Variants in HIPK2 observed in about 807,000 individuals in gnomAD.
HIPK2 encodes the protein homeodomain-interacting protein kinase 2.
Under a neutral mutation model 113.7 loss-of-function variants are expected in HIPK2, and 27 were observed. That is an observed-to-expected ratio of 0.24 (90% CI 0.17 to 0.33). The LOEUF is 0.33. Among genes scored for constraint, HIPK2 ranks in the 10% least tolerant of loss-of-function variants. The pLI is 1.00. For missense variants in HIPK2, 1,257 were observed against 1,588.0 expected (o/e 0.79, Z 3.54); for synonymous variants, 631 against 642.2 (o/e 0.98, Z 0.26).
intron 1 of HIPK2, among the ~76,000 whole-genome samples, chr7:139,744,201 G>A (rs1031377875): frequency 6.6e-6 from 1 of 152,172 alleles, no homozygotes; most frequent in Admixed American, 6.5e-5. Flanking sequence ...TAAGCAAAAT[G>A]TGGTATATTC....
intron 2 of HIPK2, among the ~76,000 whole-genome samples, chr7:139,646,596 C>T (rs535253200): frequency 2.2e-4 from 34 of 151,484 alleles, no homozygotes; most frequent in Non-Finnish European, 4.4e-4. Context: ...CTTATCCTAA[C>T]AATGGGGCCT....
At chr7:139,588,778 G>C (rs1217538960) in intron 12 of HIPK2, among the ~76,000 whole-genome samples, 1 of 152,054 alleles carries the variant, frequency 6.6e-6, no homozygotes, top group Non-Finnish European at 1.5e-5. Flanking sequence ...GGAGTAAAGG[G>C]AAACAACTGG....
chr7:139,679,251 G>A (rs539010786), intron 2 of HIPK2, among the ~76,000 whole-genome samples: 2 of 152,228 alleles, frequency 1.3e-5, no homozygotes, highest in South Asian at 4.2e-4. Context: ...GTTTTCAAAG[G>A]GAATGATGAA....
At chr7:139,720,738 C>T (rs1243372502) in intron 1 of HIPK2, among the ~76,000 whole-genome samples, 1 of 152,192 alleles carries the variant, frequency 6.6e-6, no homozygotes, top group African/African-American at 2.4e-5. Context: ...TTCCTTCATC[C>T]TTTCGTGTCA....
intron 1 of HIPK2, among the ~76,000 whole-genome samples, chr7:139,748,645 G>A (rs1328463256): frequency 6.6e-6 from 1 of 151,914 alleles, no homozygotes; most frequent in Non-Finnish European, 1.5e-5. Context: ...GAGGACACTA[G>A]TCATACTAGA....
chr7:139,703,375 A>G (rs1227491272), intron 2 of HIPK2, among the ~76,000 whole-genome samples: 2 of 152,050 alleles, frequency 1.3e-5, no homozygotes, highest in African/African-American at 2.4e-5. Flanking sequence ...ATCTATTTAT[A>G]TTCTGGGGGT....
At chr7:139,651,010 C>T (rs1801439396) in intron 2 of HIPK2, among the ~76,000 whole-genome samples, 2 of 152,206 alleles carry the variant, frequency 1.3e-5, no homozygotes, top group South Asian at 4.1e-4. Flanking sequence ...ATTGTGTCAG[C>T]CACGGAATTT....
At position 139,703,518 on chromosome 7, in the gene HIPK2, T is replaced by G. The variant is rs1348132346; in HGVS notation, c.1103+12414A>C. On this transcript the variant is annotated intron_variant, in intron 2 of 14. Coordinates refer to ENST00000406875, the MANE Select transcript of HIPK2 (RefSeq NM_022740.5). ...GTTTGTCCCTCATGTTCTGGCCAAA[T>G]AAATTTTATGGCAAACGTCCACATA... Among the ~76,000 whole-genome samples, 3 of 151,944 alleles carry G rather than the reference T, an allele frequency of 2.0e-5. No individual in the cohort carries two copies. The East Asian group carries it at 5.8e-4, about 29-fold the overall frequency.
rs543430474 is a variant in HIPK2, at chr7:139,718,437, C to T, written c.20-1422G>A. Among the ~76,000 whole-genome samples the T allele has an allele frequency of 2.0e-5, 3 of 152,230 alleles. No individual in the cohort carries two copies. The South Asian group carries it at 6.2e-4, about 31-fold the overall frequency. On this transcript the variant is annotated intron_variant, in intron 1 of 14. Transcript: ENST00000406875. Reference sequence around the variant, plus strand: ...CTCTCAGTAGATGACCCAACTTCCACTTTGTCCAGAAGCCTGAGGTCAGCC... The same window carrying T: ...CTCTCAGTAGATGACCCAACTTCCATTTTGTCCAGAAGCCTGAGGTCAGCC...
At chr7:139,638,797 A>G (rs1175592009) in intron 2 of HIPK2, among the ~76,000 whole-genome samples, 1 of 151,504 alleles carries the variant, frequency 6.6e-6, no homozygotes, top group Non-Finnish European at 1.5e-5. Flanking sequence ...AGTTGGGACT[A>G]CAGGCGCCCA....
At chr7:139,633,451 T>C (rs1363589558) in intron 2 of HIPK2, among the ~76,000 whole-genome samples, 1 of 152,138 alleles carries the variant, frequency 6.6e-6, no homozygotes, top group Non-Finnish European at 1.5e-5. Context: ...TATATAATAG[T>C]ATTGAAAAGA....
chr7:139,581,336 C>G (rs2116526591), intron 13 of HIPK2, among the ~76,000 whole-genome samples: 1 of 152,330 alleles, frequency 6.6e-6, no homozygotes, highest in Admixed American at 6.5e-5. Flanking sequence ...AAGGCAGCTT[C>G]AGAGAGCAGG....
chr7:139,762,687 A>C (rs1796486559), intron 1 of HIPK2, among the ~76,000 whole-genome samples: 1 of 152,246 alleles, frequency 6.6e-6, no homozygotes, highest in South Asian at 2.1e-4. Flanking sequence ...TTCATACAAA[A>C]ATCTGTATGA....
At position 139,626,694 on chromosome 7, in the gene HIPK2, G is replaced by T. The variant is rs1412882445; in HGVS notation, c.1526C>A (p.Thr509Asn). 2.5e-6 allele frequency: 4 copies of T among 1,613,924 alleles called. No individual in the cohort carries two copies. The South Asian group carries it at 4.4e-5, about 18-fold the overall frequency. The change falls in exon 6 of 15, where the codon ACC becomes AAC. Residue 509 changes from threonine to asparagine, a missense_variant. By Grantham distance (65) the Thr-to-Asn change is moderately conservative. This residue lies in a region of HIPK2 where 862 missense variants were observed against 1,004.3 expected (regional missense o/e 0.86). Coordinates refer to ENST00000406875, the MANE Select transcript of HIPK2 (RefSeq NM_022740.5). ...AGTGATTCTCTTGTCAGCATCAATG[G>T]TCAGCATCTTCTTCAACAGGTCAAT... ...EFIDLLKKML[T>N]IDADKRITPI... is the part of the protein sequence containing the mutation.
intron 1 of HIPK2, among the ~76,000 whole-genome samples, chr7:139,752,948 G>A (rs1034974811): frequency 2.0e-5 from 3 of 152,148 alleles, no homozygotes; most frequent in African/African-American, 4.8e-5. Context: ...GCAGAAATGA[G>A]CACAAGTTTG....
chr7:139,583,301 A>G (rs929629100), intron 13 of HIPK2, among the ~76,000 whole-genome samples: 1 of 152,248 alleles, frequency 6.6e-6, no homozygotes, highest in African/African-American at 2.4e-5. Context: ...CTCTGAAGAT[A>G]GCAGTGCATG....
chr7:139,654,514 AAAAC>A (rs751282371), intron 2 of HIPK2, among the ~76,000 whole-genome samples: 15 of 152,138 alleles, frequency 9.9e-5, no homozygotes, highest in Non-Finnish European at 2.1e-4. Context: ...CCCTATCTCA[AAAAC>A]AAACAAACAA....
chr7:139,660,843 A>G (rs1171217628), intron 2 of HIPK2, among the ~76,000 whole-genome samples: 1 of 152,222 alleles, frequency 6.6e-6, no homozygotes, highest in African/African-American at 2.4e-5. Flanking sequence ...CACAGGCCCC[A>G]GATCTTGGCA....
At position 139,654,151 on chromosome 7, in the gene HIPK2, G is replaced by A. The variant is rs559567808; in HGVS notation, c.1104-22426C>T. Among the ~76,000 whole-genome samples, 9 of 152,294 alleles carry A rather than the reference G, an allele frequency of 5.9e-5. No individual in the cohort carries two copies. In the East Asian group the frequency reaches 1.5e-3, roughly 26 times the overall value. ...GGCTGCCAGGCCCCTGTTCCTATAG[G>A]TTTAACAGCATGAGATACACATAAA... On this transcript the variant is annotated intron_variant, in intron 2 of 14. Coordinates refer to ENST00000406875, the MANE Select transcript of HIPK2 (RefSeq NM_022740.5).
Sources: allele counts gnomAD v4.1 joint callset (sites outside exome capture counted in the v4.1 genomes callset), GRCh38; gene constraint gnomAD v4.1.1; regional missense constraint gnomAD v4.1.1; transcripts MANE v1.5; gene names NCBI Gene and HGNC (gene_info 2026-07-23, HGNC 2026-07-21).